The following PDE1C variants were observed in gnomAD, a reference collection of about 807,000 sequenced individuals.
PDE1C encodes the protein phosphodiesterase 1C.
Under a neutral mutation model 93.1 loss-of-function variants are expected in PDE1C, and 62 were observed. The ratio of observed to expected loss-of-function variants is 0.67; its 90% CI spans 0.54 to 0.82. The LOEUF is 0.82. Among genes scored for constraint, PDE1C ranks in the 40% least tolerant of loss-of-function variants. The pLI is 0.00. For missense variants in PDE1C, 742 were observed against 884.6 expected (o/e 0.84, Z 2.04); for synonymous variants, 325 against 310.1 (o/e 1.05, Z -0.50).
chr7:32,309,492 C>G (rs1321771060), intron 1 of PDE1C, among the ~76,000 whole-genome samples: 1 of 152,100 alleles, frequency 6.6e-6, no homozygotes, highest in Non-Finnish European at 1.5e-5. Context: ...TTAAGGGCAG[C>G]CAGAGAGAAA....
chr7:32,054,524 C>CTA (rs1057480425), intron 1 of PDE1C, among the ~76,000 whole-genome samples: 2 of 152,118 alleles, frequency 1.3e-5, no homozygotes, highest in African/African-American at 4.8e-5. Flanking sequence ...ATCTCTATAT[C>CTA]TATCCCAAGG....
intron 1 of PDE1C, among the ~76,000 whole-genome samples, chr7:32,306,260 C>T (rs12536117): frequency 0.072 from 10,943 of 152,084 alleles, 488 homozygotes; most frequent in East Asian, 0.13. Context: ...GGGCTAATAC[C>T]GTAAATTGGG....
chr7:32,390,183 C>A (rs1784723218), intron 1 of PDE1C, among the ~76,000 whole-genome samples: 1 of 151,998 alleles, frequency 6.6e-6, no homozygotes, highest in South Asian at 2.1e-4. Flanking sequence ...ATAGGCTATA[C>A]ACACATATAC....
intron 3 of PDE1C, among the ~76,000 whole-genome samples, chr7:32,159,036 C>A (rs1297939217): frequency 3.3e-5 from 5 of 152,152 alleles, no homozygotes; most frequent in Non-Finnish European, 7.3e-5. Context: ...CCACCATAAT[C>A]CAGGGTGATC....
chr7:32,235,617 C>T (rs1808021039), intron 1 of PDE1C, among the ~76,000 whole-genome samples: 1 of 151,942 alleles, frequency 6.6e-6, no homozygotes. Context: ...GATTTGAGTG[C>T]TGAGAACTAT....
intron 11 of PDE1C, among the ~76,000 whole-genome samples, 162 bp downstream of exon 11, chr7:31,837,018 T>C (rs1003925071): frequency 6.6e-6 from 1 of 152,196 alleles, no homozygotes; most frequent in African/African-American, 2.4e-5. Context: ...TTAGGTAAGA[T>C]TCAAATATCA....
At chr7:32,192,689 A>G (rs1248487591) in intron 2 of PDE1C, among the ~76,000 whole-genome samples, 2 of 152,072 alleles carry the variant, frequency 1.3e-5, no homozygotes, top group African/African-American at 4.8e-5. Context: ...TTCTGTATAC[A>G]TTTTAGAATA....
chr7:32,237,764 T>TATATATATA (rs1562607071), intron 1 of PDE1C, among the ~76,000 whole-genome samples: 3 of 80,052 alleles, frequency 3.7e-5, no homozygotes, highest in African/African-American at 1.6e-4. Context: ...ATATATATAC[T>TATATATATA]TTTTTTTTTT....
intron 1 of PDE1C, among the ~76,000 whole-genome samples, chr7:32,407,649 CATTT>C: frequency 6.6e-6 from 1 of 152,172 alleles, no homozygotes; most frequent in Non-Finnish European, 1.5e-5. Context: ...CTACTACGTA[CATTT>C]CTAGGTATCT....
intron 3 of PDE1C, among the ~76,000 whole-genome samples, chr7:32,160,288 T>G (rs1008480136): frequency 7.2e-5 from 11 of 152,176 alleles, no homozygotes; most frequent in African/African-American, 2.7e-4. Context: ...TGACTTTAAA[T>G]GTAGAGTTTC....
intron 2 of PDE1C, among the ~76,000 whole-genome samples, chr7:31,999,318 C>T (rs1785156065): frequency 6.6e-6 from 1 of 152,152 alleles, no homozygotes; most frequent in Non-Finnish European, 1.5e-5. Context: ...ATGTGCTTTT[C>T]ATAAGAACAT....
intron 17 of PDE1C, among the ~76,000 whole-genome samples, chr7:31,756,658 A>AT (rs1794486501): frequency 6.6e-6 from 1 of 152,194 alleles, no homozygotes; most frequent in Non-Finnish European, 1.5e-5. Context: ...TAAAATACTC[A>AT]TTGACTTTTC....
chr7:32,048,237 T>G (rs183976006), intron 2 of PDE1C, among the ~76,000 whole-genome samples: 1 of 152,316 alleles, frequency 6.6e-6, no homozygotes, highest in East Asian at 1.9e-4. Flanking sequence ...TTTAAAACAC[T>G]TCTTTTATCA....
rs530796996 is a variant in PDE1C at position 31,923,912 on chromosome 7, T to C, written c.129-43052A>G. ...TCCAAGTCCTCTGCTTATACAAAGA[T>C]ATCCTCTAGACATAGGTGTTATAAT... is the stretch of plus-strand genomic sequence containing the variant. On this transcript the variant is annotated intron_variant, in intron 2 of 17. Coordinates refer to ENST00000396191, the MANE Select transcript of PDE1C (RefSeq NM_001191057.4). Among the ~76,000 whole-genome samples, 7 of 152,370 alleles carry C rather than the reference T, an allele frequency of 4.6e-5. No individual in the cohort carries two copies. The East Asian group carries it at 1.2e-3, about 25-fold the overall frequency.
the PDE1C span, among the ~76,000 whole-genome samples, chr7:31,671,460 C>T: frequency 3.3e-5 from 5 of 152,220 alleles, no homozygotes; most frequent in Non-Finnish European, 5.9e-5. Flanking sequence ...TCATTACCAC[C>T]TGTTTCCAAG....
At chr7:32,275,992 G>A (rs1811259429) in intron 1 of PDE1C, among the ~76,000 whole-genome samples, 1 of 152,090 alleles carries the variant, frequency 6.6e-6, no homozygotes, top group Non-Finnish European at 1.5e-5. Flanking sequence ...ATTATGAACT[G>A]CAAGATAGAT....
chr7:32,271,950 T>TGGG (rs1810997271), intron 1 of PDE1C, among the ~76,000 whole-genome samples: 1 of 152,156 alleles, frequency 6.6e-6, no homozygotes, highest in African/African-American at 2.4e-5. Flanking sequence ...TGCAACCCGT[T>TGGG]TTTTCTGCCA....
chr7:32,294,738 G>T (rs1562657484), intron 1 of PDE1C, among the ~76,000 whole-genome samples: 1 of 152,188 alleles, frequency 6.6e-6, no homozygotes, highest in African/African-American at 2.4e-5. Flanking sequence ...GAAATACAAG[G>T]TACTGCACCT....
the PDE1C span, among the ~76,000 whole-genome samples, chr7:31,713,783 T>C: frequency 6.6e-6 from 1 of 152,218 alleles, no homozygotes; most frequent in Non-Finnish European, 1.5e-5. Context: ...GCTTGCACTC[T>C]CTGAAGCCAC....
Sources: allele counts gnomAD v4.1 joint callset (sites outside exome capture counted in the v4.1 genomes callset), GRCh38; gene constraint gnomAD v4.1.1; transcripts MANE v1.5; gene names NCBI Gene and HGNC (gene_info 2026-07-23, HGNC 2026-07-21).